The following FXN variants were observed in gnomAD, a reference collection of about 807,000 sequenced individuals.
The protein encoded by FXN is frataxin, mitochondrial.
In FXN, 14 loss-of-function variants were observed where a neutral mutation model predicts 22.4. The ratio of observed to expected loss-of-function variants is 0.62; its 90% confidence interval spans 0.41 to 0.98. The LOEUF is 0.98. Ranked by LOEUF, FXN falls within the 50% of genes least tolerant of loss-of-function variation. The pLI is 0.00. For missense variants in FXN, 267 were observed against 268.4 expected (o/e 0.99, Z 0.04); for synonymous variants, 120 against 114.1 (o/e 1.05, Z -0.33).
intron 2 of FXN, among the ~76,000 whole-genome samples, chr9:69,048,890 C>T (rs1442412248): frequency 6.6e-6 from 1 of 152,212 alleles, no homozygotes; most frequent in Admixed American, 6.5e-5. Flanking sequence ...CTCCCGCCTG[C>T]GGTGTCTGTT....
intron 4 of FXN, among the ~76,000 whole-genome samples, chr9:69,072,152 C>T (rs1320218734): frequency 1.3e-5 from 2 of 152,178 alleles, no homozygotes; most frequent in Non-Finnish European, 2.9e-5. Context: ...GTAGTGGTTG[C>T]ACAACATTGT....
chr9:69,073,768 G>T lies in FXN; in HGVS notation c.*1006G>T. 25 of 985,384 alleles carry T rather than the reference G, an allele frequency of 2.5e-5. No homozygotes were observed. Among genetic ancestry groups the T allele is most frequent in the Non-Finnish European group, 2.9e-5 (24 of 829,924 alleles). 61.0% of individuals were successfully genotyped at this position (985,384 alleles called of 1,614,324 possible). On this transcript the variant is annotated 3_prime_UTR_variant, in exon 5 of 5. Coordinates refer to ENST00000484259, the MANE Select transcript of FXN (RefSeq NM_000144.5). ...AGTGGTCCTGTCAAGCAACCTAACA[G>T]GCTAGTTCTAATTCCCTATTGGGTA...
intron 1 of FXN, among the ~76,000 whole-genome samples, chr9:69,044,338 T>G (rs1831709008): frequency 6.6e-6 from 1 of 152,132 alleles, no homozygotes; most frequent in Non-Finnish European, 1.5e-5. Context: ...GCTCTAACAG[T>G]GGTTATCATG....
chr9:69,069,520 C>G (rs1756855838), intron 4 of FXN, among the ~76,000 whole-genome samples: 1 of 152,276 alleles, frequency 6.6e-6, no homozygotes, highest in African/African-American at 2.4e-5. Context: ...GACACTCACC[C>G]CGCTGAATGT....
At chr9:69,064,331 G>A (rs1246975128) in intron 3 of FXN, among the ~76,000 whole-genome samples, 1 of 152,188 alleles carries the variant, frequency 6.6e-6, no homozygotes, top group Non-Finnish European at 1.5e-5. Flanking sequence ...ATAAAGCCTT[G>A]GAGGAGTATC....
chr9:69,073,527 TAACA>T lies in FXN; in HGVS notation c.*772_*775del. 9 of 985,438 alleles carry T rather than the reference TAACA, an allele frequency of 9.1e-6. No individual in the cohort carries two copies. The highest frequency in any genetic ancestry group is 4.7e-5 in the South Asian group (1 of 21,286). 61.0% of individuals were successfully genotyped at this position (985,438 alleles called of 1,614,324 possible). On this transcript the variant is annotated 3_prime_UTR_variant, in exon 5 of 5. Transcript: ENST00000484259. The stretch of plus-strand genomic sequence containing the variant: ...TTTTCATGAGCTGAGTGATGTAGCG[TAACA>T]AACAAAATCATGGAGCTGAGGAGGT...
chr9:69,047,980 A>C (rs1831789995), intron 2 of FXN, among the ~76,000 whole-genome samples: 1 of 152,136 alleles, frequency 6.6e-6, no homozygotes, highest in South Asian at 2.1e-4. Flanking sequence ...GGCCTCCCAA[A>C]GTGCTGGGAT....
chr9:69,036,611 C>T (rs879381093), intron 1 of FXN, among the ~76,000 whole-genome samples: 3 of 152,178 alleles, frequency 2.0e-5, no homozygotes, highest in African/African-American at 7.2e-5. Flanking sequence ...CTCTCTGAGA[C>T]GTGGCTTTGT....
intron 4 of FXN, among the ~76,000 whole-genome samples, chr9:69,070,542 T>A (rs553224180): frequency 2.5e-4 from 38 of 152,342 alleles, no homozygotes; most frequent in African/African-American, 8.2e-4. Context: ...GGGTCCTGAA[T>A]GCCCAGAGGC....
chr9:69,049,341 A>C (rs1831813570), intron 2 of FXN, among the ~76,000 whole-genome samples: 1 of 152,054 alleles, frequency 6.6e-6, no homozygotes, highest in Non-Finnish European at 1.5e-5. Context: ...CTCACTCTCA[A>C]AACACACCCT....
rs1587835583 is a variant in FXN, at chr9:69,078,112, C to T, written c.*5350C>T. 1 of 985,264 alleles carries T rather than the reference C, an allele frequency of 1.0e-6. No individual in the cohort carries two copies. The highest frequency in any genetic ancestry group is 1.2e-6 in the Non-Finnish European group (1 of 829,932). 61.0% of individuals were successfully genotyped at this position (985,264 alleles called of 1,614,324 possible). A position where few individuals can be genotyped will look rare whatever the true frequency, so the allele number is the denominator to read the frequency against. The stretch of plus-strand genomic sequence containing the variant: ...TAAGAGAAAGAAAAACTTTAAATCC[C>T]TCCAAAGCTCAAAAGTAATAGAAAC... On this transcript the variant is annotated 3_prime_UTR_variant, in exon 5 of 5. Transcript: ENST00000484259.
Position 69,075,778 on chromosome 9 carries a change from T to C in FXN, c.*3016T>C. On this transcript the variant is annotated 3_prime_UTR_variant, in exon 5 of 5. Transcript: ENST00000484259. ...CAGGATCTCACTTTGGCACTCAGGCTGGAGGACAGTGGTACAATCAAAGCT... is the reference window on the plus strand; with the variant it reads ...CAGGATCTCACTTTGGCACTCAGGCCGGAGGACAGTGGTACAATCAAAGCT... The C allele has an allele frequency of 1.1e-6, 1 of 892,042 alleles. No individual in the cohort carries two copies. The highest frequency in any genetic ancestry group is 1.3e-6 in the Non-Finnish European group (1 of 745,162). 55.3% of individuals were successfully genotyped at this position (892,042 alleles called of 1,614,324 possible). A position where few individuals can be genotyped will look rare whatever the true frequency, so the allele number is the denominator to read the frequency against.
Position 69,053,198 on chromosome 9 carries a change from GA to G in FXN, c.323del (p.Glu108GlyfsTer25). On this transcript the variant is annotated frameshift_variant, in exon 3 of 5. Transcript: ENST00000484259. LOFTEE classifies it high-confidence loss of function. ...AGAGGAAACGCTGGACTCTTTAGCA[GA>G]GTTTTTTGAAGACCTTGCAGACAAG... ...LAEETLDSLA[E>X]FFEDLADKPY... 6.2e-7 allele frequency: 1 copy of G among 1,613,948 alleles called. No individual in the cohort carries two copies. Among genetic ancestry groups the G allele is most frequent in the Non-Finnish European group, 8.5e-7 (1 of 1,179,976 alleles).
chr9:69,066,672 CAGTG>C (rs1832170714), intron 4 of FXN, among the ~76,000 whole-genome samples: 1 of 152,102 alleles, frequency 6.6e-6, no homozygotes, highest in African/African-American at 2.4e-5. Flanking sequence ...TTTTGGGGAT[CAGTG>C]GCTTTGTAGA....
At chr9:69,062,599 A>G (rs1832094245) in intron 3 of FXN, among the ~76,000 whole-genome samples, 3 of 152,010 alleles carry the variant, frequency 2.0e-5, no homozygotes, top group Admixed American at 2.0e-4. Flanking sequence ...CTGATGAAGT[A>G]GTCAAAAGTA....
In FXN at chr9:69,051,638, C is replaced by T. The variant is rs186514163; in HGVS notation, c.264-1502C>T. On this transcript the variant is annotated intron_variant, in intron 2 of 4. Coordinates refer to ENST00000484259, the MANE Select transcript of FXN (RefSeq NM_000144.5). ...AAATGAACACAAAATACAGGTGAAT[C>T]TTGCTTGGTTCTGAGACAGTGAAGG... Among the ~76,000 whole-genome samples, 233 of 152,206 alleles carry T rather than the reference C, an allele frequency of 1.5e-3. 1 individual carries two copies. Among genetic ancestry groups the T allele is most frequent in the Admixed American group, 3.6e-3 (55 of 15,278 alleles).
At chr9:69,058,378 GT>G (rs1340686324) in intron 3 of FXN, among the ~76,000 whole-genome samples, 3 of 151,002 alleles carry the variant, frequency 2.0e-5, no homozygotes, top group Non-Finnish European at 4.4e-5. Context: ...ACTACCTGAA[GT>G]TACCTCCAGG....
At position 69,078,139 on chromosome 9, in the gene FXN, GAT is replaced by G. The variant is rs1370874395; in HGVS notation, c.*5378_*5379del. 4.5e-5 allele frequency: 44 copies of G among 985,220 alleles called. No homozygotes were observed. In the African/African-American group the frequency reaches 7.5e-4, roughly 17 times the overall value. 61.0% of individuals were successfully genotyped at this position (985,220 alleles called of 1,614,324 possible). A position where few individuals can be genotyped will look rare whatever the true frequency, so the allele number is the denominator to read the frequency against. On this transcript the variant is annotated 3_prime_UTR_variant, in exon 5 of 5. Coordinates refer to ENST00000484259, the MANE Select transcript of FXN (RefSeq NM_000144.5). ...CCAAAGCTCAAAAGTAATAGAAACAGATGAGTTTGGAGTCAGGATTTCTCTGT... is the reference window on the plus strand; with the variant it reads ...CCAAAGCTCAAAAGTAATAGAAACAGGAGTTTGGAGTCAGGATTTCTCTGT...
intron 3 of FXN, among the ~76,000 whole-genome samples, chr9:69,057,593 A>G (rs1029526869): frequency 1.3e-5 from 2 of 152,174 alleles, no homozygotes; most frequent in Non-Finnish European, 2.9e-5. Context: ...TGGACTTGTG[A>G]TTAACTACAT....
Sources: allele counts gnomAD v4.1 joint callset (sites outside exome capture counted in the v4.1 genomes callset), GRCh38; gene constraint gnomAD v4.1.1; transcripts MANE v1.5; gene names NCBI Gene and HGNC (gene_info 2026-07-23, HGNC 2026-07-21).